TENM3: variants seen among roughly 807,000 people sequenced by gnomAD.
TENM3 encodes the protein teneurin-3.
In TENM3, 63 loss-of-function variants were observed where a neutral mutation model predicts 255.1. That is an observed-to-expected ratio of 0.25 (90% confidence interval 0.20 to 0.30). The LOEUF is 0.30. Ranked by LOEUF, TENM3 falls within the 10% of genes least tolerant of loss-of-function variation. The pLI is 1.00. For synonymous variants in TENM3, 1,306 were observed against 1,322.3 expected, an observed-to-expected ratio of 0.99 and a Z score of 0.27; for missense variants, 2,929 against 3,461.1, an observed-to-expected ratio of 0.85 and a Z score of 3.86.
At position 182,755,131 on chromosome 4, in the gene TENM3, A is replaced by C. The variant is rs747056975; in HGVS notation, c.4764A>C (p.Thr1588=). Residue 1588 remains threonine (T), a synonymous_variant, in exon 22 of 28, where the codon ACA becomes ACC. Coordinates refer to ENST00000511685, the MANE Select transcript of TENM3 (RefSeq NM_001080477.4). ...CTGATAACCAAGTGATATGGTTGAC[A>C]ATAGGAACAAATGGATGTTTGAAAA... The part of the protein sequence containing the change: ...VSPDNQVIWL[T]IGTNGCLKSM... The C allele has an allele frequency of 1.9e-5, 31 of 1,613,926 alleles. No individual in the cohort carries two copies. The highest frequency in any genetic ancestry group is 2.5e-5 in the Non-Finnish European group (30 of 1,179,908).
At chr4:181,774,835 A>G in the TENM3 span, among the ~76,000 whole-genome samples, 3 of 113,350 alleles carry the variant, frequency 2.6e-5, no homozygotes, top group Non-Finnish European at 5.2e-5. Context: ...GTGTCTGTTC[A>G]TGTCCTTCGC....
the TENM3 span, among the ~76,000 whole-genome samples, chr4:181,984,242 G>C: frequency 3.7e-4 from 56 of 152,028 alleles, no homozygotes; most frequent in Non-Finnish European, 7.2e-4. Flanking sequence ...TCATCCCATT[G>C]CTAACATGTT....
chr4:181,742,683 TTTA>T, the TENM3 span, among the ~76,000 whole-genome samples: 2 of 152,024 alleles, frequency 1.3e-5, no homozygotes, highest in African/African-American at 4.8e-5. Context: ...TTTATTTTTT[TTTA>T]TTATTATACT....
At chr4:182,298,079 G>A (rs554815131) in intron 1 of TENM3, among the ~76,000 whole-genome samples, 8 of 152,248 alleles carry the variant, frequency 5.3e-5, no homozygotes, top group South Asian at 2.1e-4. Context: ...TCCCCATCCC[G>A]GCACATGTAC....
chr4:182,738,864 A>G (rs1317804853), intron 18 of TENM3, among the ~76,000 whole-genome samples: 1 of 135,000 alleles, frequency 7.4e-6, no homozygotes, highest in Admixed American at 7.8e-5. Context: ...AGATTCACCT[A>G]GAGTGTCTCA....
chr4:182,746,195 A>G (rs1344362450), intron 19 of TENM3, among the ~76,000 whole-genome samples: 1 of 152,230 alleles, frequency 6.6e-6, no homozygotes, highest in Non-Finnish European at 1.5e-5. Context: ...TATCAGTATC[A>G]TTCTTTGACA....
At chr4:182,042,583 A>G in the TENM3 span, among the ~76,000 whole-genome samples, 1 of 152,320 alleles carries the variant, frequency 6.6e-6, no homozygotes, top group Non-Finnish European at 1.5e-5. Context: ...TTTAGCAAAA[A>G]GTTTTCATGA....
At chr4:181,960,386 G>A in the TENM3 span, among the ~76,000 whole-genome samples, 839 of 152,060 alleles carry the variant, frequency 5.5e-3, 3 homozygotes, top group African/African-American at 0.019. Context: ...GATAAGGAGC[G>A]ACCTACCTCA....
intron 3 of TENM3, among the ~76,000 whole-genome samples, chr4:182,498,180 T>G (rs1304522303): frequency 6.6e-6 from 1 of 152,128 alleles, no homozygotes; most frequent in Non-Finnish European, 1.5e-5. Context: ...GTCCAGAGTT[T>G]GTGGGACCAA....
At chr4:182,486,749 A>G (rs1328489594) in intron 3 of TENM3, among the ~76,000 whole-genome samples, 1 of 152,114 alleles carries the variant, frequency 6.6e-6, no homozygotes, top group Non-Finnish European at 1.5e-5. Flanking sequence ...CATGAGGGTG[A>G]TCCAGTTGTG....
the TENM3 span, among the ~76,000 whole-genome samples, chr4:181,942,235 A>ATTCT: frequency 3.1e-5 from 3 of 95,592 alleles, no homozygotes; most frequent in African/African-American, 4.1e-5. Flanking sequence ...GAAATTTCCT[A>ATTCT]TTCTTTCTTT....
intron 6 of TENM3, among the ~76,000 whole-genome samples, chr4:182,658,770 A>G (rs13133109): frequency 0.25 from 38,171 of 152,136 alleles, 5,088 homozygotes; most frequent in Admixed American, 0.39. Context: ...AAGGTTAACC[A>G]AAGGCTCCAC....
At chr4:182,083,370 C>G in the TENM3 span, among the ~76,000 whole-genome samples, 1 of 152,136 alleles carries the variant, frequency 6.6e-6, no homozygotes, top group Non-Finnish European at 1.5e-5. Flanking sequence ...GCTGGTTACT[C>G]TCTTATATCT....
At chr4:181,636,467 A>T in the TENM3 span, among the ~76,000 whole-genome samples, 1 of 152,194 alleles carries the variant, frequency 6.6e-6, no homozygotes, top group Admixed American at 6.5e-5. Context: ...ATACCTTCAT[A>T]ACAACCTCTA....
At chr4:182,439,236 G>A (rs186258554) in intron 3 of TENM3, among the ~76,000 whole-genome samples, 1 of 152,136 alleles carries the variant, frequency 6.6e-6, no homozygotes, top group Non-Finnish European at 1.5e-5. Flanking sequence ...GACAGCCTCT[G>A]ACTCTACCTG....
the TENM3 span, among the ~76,000 whole-genome samples, chr4:181,849,949 T>TCTCTCACACACACACACACACACACACA: frequency 7.1e-4 from 47 of 65,946 alleles, 1 homozygote; most frequent in Non-Finnish European, 1.3e-3. Context: ...TCTCTCTCTC[T>TCTCTCACACACACACACACACACACACA]CACACACACA....
At chr4:182,223,290 A>T (rs536015911) in intron 1 of TENM3, among the ~76,000 whole-genome samples, 1 of 152,298 alleles carries the variant, frequency 6.6e-6, no homozygotes, top group Non-Finnish European at 1.5e-5. Flanking sequence ...CTCAGAATTG[A>T]TTTGGGCAAG....
chr4:182,232,618 A>G (rs1201766427), intron 1 of TENM3, among the ~76,000 whole-genome samples: 1 of 151,772 alleles, frequency 6.6e-6, no homozygotes, highest in Non-Finnish European at 1.5e-5. Context: ...AATCACTTGA[A>G]CTCGGAGACC....
chr4:182,607,198 G>GT (rs1228403764), intron 4 of TENM3, among the ~76,000 whole-genome samples: 4 of 152,108 alleles, frequency 2.6e-5, no homozygotes, highest in Non-Finnish European at 4.4e-5. Flanking sequence ...CACCTCATTG[G>GT]TTAATACCTT....
Sources: allele counts gnomAD v4.1 joint callset (sites outside exome capture counted in the v4.1 genomes callset), GRCh38; gene constraint gnomAD v4.1.1; transcripts MANE v1.5; gene names NCBI Gene and HGNC (gene_info 2026-07-23, HGNC 2026-07-21).